Variants in AMACR observed in about 807,000 individuals in gnomAD.
The protein encoded by AMACR is 2-methylacyl-CoA racemase.
AMACR carries 18 observed loss-of-function variants against 22.2 expected under a neutral mutation model. That is an observed-to-expected ratio of 0.81 (90% CI 0.56 to 1.20). The LOEUF (loss-of-function observed/expected upper bound fraction) is 1.20. Among genes scored for constraint, AMACR ranks in the 50% most tolerant of loss-of-function variants. AMACR has a pLI of 0.00. For synonymous variants in AMACR, 213 were observed against 191.3 expected (o/e 1.11, Z -0.94); for missense variants, 499 against 490.6 (o/e 1.02, Z -0.16).
At chr5:33,989,896 T>C (rs947830075) in intron 4 of AMACR, among the ~76,000 whole-genome samples, 2 of 152,192 alleles carry the variant, frequency 1.3e-5, no homozygotes, top group Non-Finnish European at 1.5e-5. Flanking sequence ...AAATAAAATA[T>C]AAACAATTTT....
intron 4 of AMACR, among the ~76,000 whole-genome samples, chr5:33,996,623 C>T (rs1753641751): frequency 6.6e-6 from 1 of 150,396 alleles, no homozygotes; most frequent in Admixed American, 6.6e-5. Context: ...CTATTTCGAC[C>T]AAAAATAAAA....
chr5:33,994,756 G>T (rs570047927), intron 4 of AMACR, among the ~76,000 whole-genome samples: 1 of 152,084 alleles, frequency 6.6e-6, no homozygotes, highest in South Asian at 2.1e-4. Flanking sequence ...AAAAGAGGGG[G>T]CTGTAAAAAA....
At chr5:34,001,147 C>A (rs1753802451) in intron 3 of AMACR, among the ~76,000 whole-genome samples, 1 of 152,220 alleles carries the variant, frequency 6.6e-6, no homozygotes, top group Non-Finnish European at 1.5e-5. Flanking sequence ...GAGTGAAGAG[C>A]CCCCTGACAC....
chr5:33,989,183 T>A lies in AMACR; in HGVS notation c.1059A>T (p.Ile353=), dbSNP rs1753391499. ...CGCGGCTGAATCCAAATTCTTCAAGTATCTCCTCAGTGTGTTCTCCTATGA... is the reference window on the plus strand; with the variant it reads ...CGCGGCTGAATCCAAATTCTTCAAGAATCTCCTCAGTGTGTTCTCCTATGA... The part of the protein sequence containing the change: ...DPFIGEHTEE[I]LEEFGFSREE... Residue 353 remains isoleucine (I), a synonymous_variant, in exon 5 of 5, where the codon ATA becomes ATT. Transcript: ENST00000335606. 1 of 1,614,214 alleles carries A rather than the reference T, an allele frequency of 6.2e-7. No homozygotes were observed. Among genetic ancestry groups the A allele is most frequent in the Non-Finnish European group, 8.5e-7 (1 of 1,180,026 alleles).
chr5:34,004,734 C>T lies in AMACR; in HGVS notation c.392G>A (p.Gly131Asp), dbSNP rs774080915. 1 of 1,614,118 alleles carries T rather than the reference C, an allele frequency of 6.2e-7. No homozygotes were observed. The highest frequency in any genetic ancestry group is 8.5e-7 in the Non-Finnish European group (1 of 1,179,994). The change falls in exon 3 of 5, where the codon GGT (glycine) becomes GAT (aspartate). Residue 131 changes from glycine (G) to aspartate (D), a missense_variant and splice_region_variant. Coordinates refer to ENST00000335606, the MANE Select transcript of AMACR (RefSeq NM_014324.6). The stretch of plus-strand genomic sequence containing the variant: ...ACTTCTGCCAATTTTTGAGAGAACA[C>T]CTACATCATTAAAAACAAATTTAAT... ...GHDINYLALS[G>D]VLSKIGRSGE...
intron 4 of AMACR, chr5:33,997,375 T>C (rs780799976): frequency 9.0e-6 from 7 of 776,492 alleles, no homozygotes; most frequent in South Asian, 5.4e-5. Context: ...AAAATGGCCA[T>C]TGCCGCCTCC....
rs2112033195 is a variant in AMACR at position 33,989,449 on chromosome 5, G to T, written c.793C>A (p.Pro265Thr). Residue 265 changes from proline to threonine, a missense_variant, in exon 5 of 5, where the codon CCA (proline) becomes ACA (threonine). Coordinates refer to ENST00000335606, the MANE Select transcript of AMACR (RefSeq NM_014324.6). The part of the protein sequence containing the change: ...LPNQMSMDDW[P>T]EMKKKFADVF... ...TCTGCAAACTTCTTCTTCATTTCTGGCCAATCATCCATGCTCATCTGATTG... is the reference window on the plus strand; with the variant it reads ...TCTGCAAACTTCTTCTTCATTTCTGTCCAATCATCCATGCTCATCTGATTG... 6.2e-7 allele frequency: 1 copy of T among 1,614,100 alleles called. No individual in the cohort carries two copies. The highest frequency in any genetic ancestry group is 2.2e-5 in the East Asian group (1 of 44,890).
chr5:34,007,861 T>A lies in AMACR; in HGVS notation c.159A>T (p.Leu53=), dbSNP rs1275492872. 5 of 1,586,486 alleles carry A rather than the reference T, an allele frequency of 3.2e-6. No individual in the cohort carries two copies. Among genetic ancestry groups the A allele is most frequent in the Non-Finnish European group, 3.4e-6 (4 of 1,169,086 alleles). The stretch of plus-strand genomic sequence containing the variant: ...CCCGCGGCTGCTTCAGGTCCAGCAC[T>A]AGCGAGCGCTTGCCCCGGCCCAAGC... ...VSRLGRGKRS[L]VLDLKQPRGA... is the part of the protein sequence containing the mutation. Residue 53 remains leucine, a synonymous_variant, in exon 1 of 5, where the codon CTA becomes CTT. Transcript: ENST00000335606.
chr5:33,998,884 T>C, intron 3 of AMACR, 57 bp from the exon 4 acceptor site: 1 of 1,544,850 alleles, frequency 6.5e-7, no homozygotes, highest in Non-Finnish European at 8.9e-7. Context: ...AAAGCATGAA[T>C]AATTCCTCCC....
chr5:33,988,610 T>C lies in AMACR; in HGVS notation c.*483A>G, dbSNP rs1028094986. On this transcript the variant is annotated 3_prime_UTR_variant, in exon 5 of 5. Coordinates refer to ENST00000335606, the MANE Select transcript of AMACR (RefSeq NM_014324.6). The stretch of plus-strand genomic sequence containing the variant: ...TGATAACTGTTGCTAAAGTTTGGAA[T>C]GTGCTTAGAGGGAGATCATGAACAC... The C allele has an allele frequency of 2.0e-5, 26 of 1,310,634 alleles. No homozygotes were observed. In the East Asian group the frequency reaches 8.1e-4, roughly 41 times the overall value. 81.2% of individuals were successfully genotyped at this position (1,310,634 alleles called of 1,614,324 possible). A position where few individuals can be genotyped will look rare whatever the true frequency, so the allele number is the denominator to read the frequency against.
At position 34,002,992 on chromosome 5, in the gene AMACR, T is replaced by C. The variant is rs563719111; in HGVS notation, c.552+1582A>G. Among the ~76,000 whole-genome samples the C allele has an allele frequency of 1.4e-3, 214 of 152,172 alleles. 1 individual carries two copies. Among genetic ancestry groups the C allele is most frequent in the African/African-American group, 5.0e-3 (206 of 41,524 alleles). On this transcript the variant is annotated intron_variant, in intron 3 of 4. Transcript: ENST00000335606. ...AGATGAGGGGGTTTCTGGTAGAAAA[T>C]GGATTTTGTGAAGATCAGCCAGGAC...
chr5:33,990,924 C>T (rs542601673), intron 4 of AMACR, among the ~76,000 whole-genome samples: 9 of 152,294 alleles, frequency 5.9e-5, no homozygotes, highest in East Asian at 3.9e-4. Context: ...AATACCAGGA[C>T]GGATATGAGG....
chr5:34,005,444 A>G (rs1199583344), intron 2 of AMACR, among the ~76,000 whole-genome samples: 1 of 152,188 alleles, frequency 6.6e-6, no homozygotes, highest in Non-Finnish European at 1.5e-5. Context: ...ACCACAGAGC[A>G]ACCATCCGTA....
At chr5:33,993,357 G>T (rs565449705) in intron 4 of AMACR, among the ~76,000 whole-genome samples, 1 of 152,056 alleles carries the variant, frequency 6.6e-6, no homozygotes, top group African/African-American at 2.4e-5. Flanking sequence ...CTACCTCTTG[G>T]CTATTGTGAA....
intron 4 of AMACR, among the ~76,000 whole-genome samples, chr5:33,996,377 T>C (rs552583193): frequency 1.3e-5 from 2 of 152,168 alleles, no homozygotes; most frequent in Non-Finnish European, 1.5e-5. Flanking sequence ...TATGAATGCC[T>C]GGGAGAGATC....
intron 4 of AMACR, among the ~76,000 whole-genome samples, chr5:33,993,796 G>C (rs1342394932): frequency 6.6e-6 from 1 of 152,118 alleles, no homozygotes; most frequent in African/African-American, 2.4e-5. Flanking sequence ...CTACTCAGGA[G>C]GCTGAGGCAG....
intron 3 of AMACR, among the ~76,000 whole-genome samples, chr5:34,001,587 G>T (rs1457337110): frequency 6.6e-6 from 1 of 152,230 alleles, no homozygotes; most frequent in Non-Finnish European, 1.5e-5. Context: ...TAAGGGGGCA[G>T]CTTTATGCTA....
At position 33,986,440 on chromosome 5, in the gene AMACR, G is replaced by C. The variant is rs1753293928; in HGVS notation, c.*2653C>G. The C allele has an allele frequency of 6.6e-6, 1 of 152,212 alleles. No individual in the cohort carries two copies. Among genetic ancestry groups the C allele is most frequent in the African/African-American group, 2.4e-5 (1 of 41,440 alleles). 9.4% of individuals were successfully genotyped at this position (152,212 alleles called of 1,614,324 possible). On this transcript the variant is annotated 3_prime_UTR_variant, in exon 5 of 5. Coordinates refer to ENST00000335606, the MANE Select transcript of AMACR (RefSeq NM_014324.6). The stretch of plus-strand genomic sequence containing the variant: ...TGTTTTGTTCATTATGGTATCCCCA[G>C]CAAGTATCATGATACCTGGCACCTA...
chr5:33,990,498 C>A (rs1398935848), intron 4 of AMACR, among the ~76,000 whole-genome samples: 2 of 152,192 alleles, frequency 1.3e-5, no homozygotes, highest in South Asian at 4.1e-4. Context: ...GCCCAAACTC[C>A]AGTTCTGATT....
Sources: allele counts gnomAD v4.1 joint callset (sites outside exome capture counted in the v4.1 genomes callset), GRCh38; gene constraint gnomAD v4.1.1; transcripts MANE v1.5; gene names NCBI Gene and HGNC (gene_info 2026-07-23, HGNC 2026-07-21).